MYO1B: variants seen among roughly 807,000 people sequenced by gnomAD.
The protein encoded by MYO1B is unconventional myosin-Ib.
Under a neutral mutation model 159.7 loss-of-function variants are expected in MYO1B, and 72 were observed. The observed-to-expected ratio is 0.45, with a 90% CI of 0.37 to 0.55. The LOEUF (loss-of-function observed/expected upper bound fraction) is 0.55, where lower values mean the gene tolerates loss of function less well. Ranked by LOEUF, MYO1B falls within the 20% of genes least tolerant of loss-of-function variation. The probability of loss-of-function intolerance (pLI) is 0.00; values close to 1 mark genes in which losing one functional copy is unlikely to be tolerated. For synonymous variants in MYO1B, 468 were observed against 473.8 expected (o/e 0.99, Z 0.16); for missense variants, 1,062 against 1,364.8 (o/e 0.78, Z 3.50).
intron 29 of MYO1B, among the ~76,000 whole-genome samples, chr2:191,415,771 A>G (rs1444885186): frequency 6.6e-6 from 1 of 152,154 alleles, no homozygotes; most frequent in Non-Finnish European, 1.5e-5. Flanking sequence ...ATGCTCCTCA[A>G]ACCTGAATGT....
At chr2:191,278,741 C>G (rs1383549847) in intron 2 of MYO1B, among the ~76,000 whole-genome samples, 1 of 152,226 alleles carries the variant, frequency 6.6e-6, no homozygotes, top group Non-Finnish European at 1.5e-5. Context: ...TGTCACCTTC[C>G]CTCCAAGCGT....
chr2:191,253,369 A>C (rs1385047278), intron 1 of MYO1B, among the ~76,000 whole-genome samples: 2 of 152,208 alleles, frequency 1.3e-5, no homozygotes, highest in East Asian at 3.9e-4. Flanking sequence ...GGGAATGTGC[A>C]TTCCATGTGA....
At chr2:191,302,680 C>T (rs909596923) in intron 3 of MYO1B, among the ~76,000 whole-genome samples, 2 of 152,082 alleles carry the variant, frequency 1.3e-5, no homozygotes, top group African/African-American at 4.8e-5. Context: ...TGAGATGTGT[C>T]CTTCTTAAGT....
At position 191,375,958 on chromosome 2, in the gene MYO1B, CA is replaced by C. The variant is rs56036551; in HGVS notation, c.1186-5488del. On this transcript the variant is annotated intron_variant, in intron 13 of 30. Coordinates refer to ENST00000392318, the MANE Select transcript of MYO1B (RefSeq NM_001130158.3). ...TGGGCAACAGAGCGAGACTCCGTAT[CA>C]AAAAAAAAAAAAAAATTCAAACTTA... Among the ~76,000 whole-genome samples, 362 of 106,180 alleles carry C rather than the reference CA, an allele frequency of 3.4e-3. 2 individuals carry two copies. Among genetic ancestry groups the C allele is most frequent in the East Asian group, 7.4e-3 (27 of 3,660 alleles). The allele number at this position is 106,180 out of a possible 152,430, so 69.7% of individuals were successfully genotyped here.
At chr2:191,262,295 C>G (rs976048362) in intron 1 of MYO1B, among the ~76,000 whole-genome samples, 4 of 152,124 alleles carry the variant, frequency 2.6e-5, no homozygotes, top group Admixed American at 6.5e-5. Flanking sequence ...TGCCGCCCCC[C>G]CTCCTCCCCA....
At position 191,393,145 on chromosome 2, in the gene MYO1B, G is replaced by A; in HGVS notation, c.2149G>A (p.Gly717Arg). ...LATLIQKIYR[G>R]WKCRTHFLLM... Reference sequence around the variant, plus strand: ...CACTCTCATTCAGAAGATATATCGGGGGTGGAAATGCCGCACACACTTCCT... The same window carrying A: ...CACTCTCATTCAGAAGATATATCGGAGGTGGAAATGCCGCACACACTTCCT... Residue 717 changes from glycine to arginine, a missense_variant, in exon 20 of 31, where the codon GGG (glycine) becomes AGG (arginine). By Grantham distance (125) the Gly-to-Arg change is moderately radical (BLOSUM62 -2). Coordinates refer to ENST00000392318, the MANE Select transcript of MYO1B (RefSeq NM_001130158.3). The A allele has an allele frequency of 6.2e-7, 1 of 1,613,928 alleles. No individual in the cohort carries two copies. Among genetic ancestry groups the A allele is most frequent in the Non-Finnish European group, 8.5e-7 (1 of 1,179,954 alleles).
intron 3 of MYO1B, among the ~76,000 whole-genome samples, chr2:191,317,909 A>G (rs1483237363): frequency 1.3e-5 from 2 of 152,214 alleles, no homozygotes; most frequent in African/African-American, 4.8e-5. Context: ...TTATTTGTAA[A>G]TAGTTGGCAA....
chr2:191,276,208 G>A (rs751963730), intron 1 of MYO1B, among the ~76,000 whole-genome samples: 5 of 152,166 alleles, frequency 3.3e-5, no homozygotes, highest in Admixed American at 6.5e-5. Context: ...AGTGGGTTGT[G>A]TTCTTTTCTT....
chr2:191,408,103 T>C lies in MYO1B; in HGVS notation c.2557-12T>C, dbSNP rs373739419. On this transcript the variant is annotated splice_polypyrimidine_tract_variant and intron_variant, in intron 24 of 30. Coordinates refer to ENST00000392318, the MANE Select transcript of MYO1B (RefSeq NM_001130158.3). ...CACATTAACCACTGTAACCTACATCTTCTTTTTAAAGGTACGTAGAGAATA... is the reference window on the plus strand; with the variant it reads ...CACATTAACCACTGTAACCTACATCCTCTTTTTAAAGGTACGTAGAGAATA... 5 of 1,599,514 alleles carry C rather than the reference T, an allele frequency of 3.1e-6. No homozygotes were observed. In the African/African-American group the frequency reaches 6.7e-5, roughly 21 times the overall value.
chr2:191,270,831 C>T (rs1687412400), intron 1 of MYO1B, among the ~76,000 whole-genome samples: 1 of 152,184 alleles, frequency 6.6e-6, no homozygotes, highest in African/African-American at 2.4e-5. Context: ...AGCCAAGTAG[C>T]TCAATTCTGT....
At chr2:191,259,600 G>A (rs777787110) in intron 1 of MYO1B, among the ~76,000 whole-genome samples, 2 of 152,090 alleles carry the variant, frequency 1.3e-5, no homozygotes, top group Non-Finnish European at 2.9e-5. Flanking sequence ...CTTTGCTGTT[G>A]TGAATAATAC....
Position 191,425,188 on chromosome 2 carries a change from T to C in MYO1B, c.*1228T>C, listed in dbSNP as rs1177002898. 1 of 152,090 alleles carries C rather than the reference T, an allele frequency of 6.6e-6. No homozygotes were observed. The highest frequency in any genetic ancestry group is 1.5e-5 in the Non-Finnish European group (1 of 67,984). The allele number at this position is 152,090 out of a possible 1,614,324, so 9.4% of individuals were successfully genotyped here. A position where few individuals can be genotyped will look rare whatever the true frequency, so the allele number is the denominator to read the frequency against. ...TTCCTGAATCACAACTGTATTTTTG[T>C]ATCTCAAGCTATTTTCATATGTTGT... On this transcript the variant is annotated 3_prime_UTR_variant, in exon 31 of 31. Transcript: ENST00000392318.
intron 2 of MYO1B, among the ~76,000 whole-genome samples, chr2:191,291,517 G>A (rs1185994696): frequency 6.6e-6 from 1 of 151,726 alleles, no homozygotes; most frequent in Non-Finnish European, 1.5e-5. Flanking sequence ...TCCCTTCCTG[G>A]GTGTCAGAGG....
intron 23 of MYO1B, 91 bp downstream of exon 23, chr2:191,400,926 T>G (rs1696574074): frequency 8.2e-7 from 1 of 1,225,876 alleles, no homozygotes. Context: ...ATGACTACAA[T>G]TAATAGTGGC....
At position 191,371,967 on chromosome 2, in the gene MYO1B, G is replaced by T. The variant is rs549593958; in HGVS notation, c.1185+1675G>T. Among the ~76,000 whole-genome samples, 3 of 152,348 alleles carry T rather than the reference G, an allele frequency of 2.0e-5. No homozygotes were observed. In the East Asian group the frequency reaches 5.8e-4, roughly 29 times the overall value. ...AGAATTTGAGGTTTCTGAGTTAGGA[G>T]AAATGCTTGAGTACACACAGAAATC... On this transcript the variant is annotated intron_variant, in intron 13 of 30. Transcript: ENST00000392318.
intron 15 of MYO1B, among the ~76,000 whole-genome samples, chr2:191,385,180 G>A (rs916952286): frequency 2.4e-4 from 36 of 152,140 alleles, no homozygotes; most frequent in Non-Finnish European, 8.8e-5. Context: ...ATTCAGTTTA[G>A]GGCTGACTAC....
At chr2:191,287,121 A>G (rs1173544394) in intron 2 of MYO1B, among the ~76,000 whole-genome samples, 4 of 152,080 alleles carry the variant, frequency 2.6e-5, no homozygotes, top group African/African-American at 9.7e-5. Flanking sequence ...ATAATAGGTA[A>G]TATTTATGGA....
At chr2:191,355,700 T>C (rs1693230316) in intron 7 of MYO1B, among the ~76,000 whole-genome samples, 1 of 152,188 alleles carries the variant, frequency 6.6e-6, no homozygotes, top group Non-Finnish European at 1.5e-5. Context: ...GAGCCCTCTG[T>C]GCACGGCCGT....
chr2:191,247,963 A>C, intron 1 of MYO1B: 1 of 985,468 alleles, frequency 1.0e-6, no homozygotes, highest in Middle Eastern at 5.2e-4. Context: ...CAGTTATGCA[A>C]AGCAAGGAGG....
Sources: gnomAD v4.1 joint callset for allele counts (sites outside exome capture counted in the v4.1 genomes callset) on GRCh38, gnomAD v4.1.1 for gene constraint, MANE v1.5 for transcripts, NCBI Gene and HGNC (gene_info 2026-07-23, HGNC 2026-07-21) for gene names.